Variants in SMC5 observed in about 807,000 individuals in gnomAD.
The protein encoded by SMC5 is structural maintenance of chromosomes 5.
A neutral mutation model predicts 148.3 loss-of-function variants in SMC5; 88 were observed. The observed-to-expected ratio is 0.59, with a 90% CI of 0.50 to 0.71. SMC5 has a LOEUF of 0.71. SMC5 is among the 30% of genes least tolerant of loss of function. The pLI, the probability that SMC5 is intolerant of heterozygous loss-of-function variation, is 0.00. For synonymous variants in SMC5, 421 were observed against 432.8 expected (o/e 0.97, Z 0.34); for missense variants, 1,142 against 1,298.9 (o/e 0.88, Z 1.86).
At chr9:70,261,442 G>A (rs936290314) in intron 1 of SMC5, among the ~76,000 whole-genome samples, 1 of 152,214 alleles carries the variant, frequency 6.6e-6, no homozygotes, top group African/African-American at 2.4e-5. Context: ...AGGGAGGAAT[G>A]CAGCATTTTT....
intron 10 of SMC5, among the ~76,000 whole-genome samples, chr9:70,302,542 G>C (rs1313739600): frequency 4.6e-5 from 7 of 151,796 alleles, no homozygotes; most frequent in Admixed American, 4.6e-4. Flanking sequence ...ATCGTGGCAT[G>C]TGCCTCTAGT....
At chr9:70,334,033 A>G (rs538924261) in intron 17 of SMC5, among the ~76,000 whole-genome samples, 1 of 152,206 alleles carries the variant, frequency 6.6e-6, no homozygotes, top group East Asian at 1.9e-4. Flanking sequence ...CATTACAACA[A>G]TCAAGACATT....
chr9:70,293,510 T>C (rs574567121), intron 8 of SMC5, among the ~76,000 whole-genome samples: 1 of 152,278 alleles, frequency 6.6e-6, no homozygotes, highest in East Asian at 1.9e-4. Flanking sequence ...TCATTTTTTA[T>C]AGGTTCTTGA....
At chr9:70,315,403 G>T (rs1253736394) in intron 12 of SMC5, 43 bp from the exon 13 acceptor site, 1 of 1,418,520 alleles carries the variant, frequency 7.0e-7, no homozygotes, top group South Asian at 1.5e-5. Flanking sequence ...TTTTTTTAAT[G>T]ATATTTTAAG....
chr9:70,295,749 C>T (rs2035184970), intron 8 of SMC5, among the ~76,000 whole-genome samples: 1 of 152,078 alleles, frequency 6.6e-6, no homozygotes. Flanking sequence ...AGACAAAGAC[C>T]TTCTCTTGGT....
intron 4 of SMC5, 91 bp downstream of exon 4, chr9:70,277,563 T>A: frequency 1.0e-6 from 1 of 980,410 alleles, no homozygotes; most frequent in Non-Finnish European, 1.4e-6. Flanking sequence ...GACTGCTATT[T>A]AAATTGAACA....
intron 22 of SMC5, among the ~76,000 whole-genome samples, chr9:70,348,626 G>A (rs188581266): frequency 1.4e-3 from 217 of 152,112 alleles, no homozygotes; most frequent in Middle Eastern, 3.4e-3. Context: ...GGAAGGTGGA[G>A]GTTCCAGTGA....
At chr9:70,280,056 A>T (rs1055757832) in intron 5 of SMC5, among the ~76,000 whole-genome samples, 42 of 152,188 alleles carry the variant, frequency 2.8e-4, no homozygotes, top group African/African-American at 9.9e-4. Context: ...AGGGAAAAAA[A>T]TGTTTTTATT....
At position 70,318,947 on chromosome 9, in the gene SMC5, A is replaced by C; in HGVS notation, c.2134A>C (p.Ser712Arg). 1 of 1,607,690 alleles carries C rather than the reference A, an allele frequency of 6.2e-7. No individual in the cohort carries two copies. The highest frequency in any genetic ancestry group is 8.5e-7 in the Non-Finnish European group (1 of 1,178,034). ...GAAAAGACAACTGGAACAAAAAATC[A>C]GTTCCAAACTAGGAAGGTATCTTTT... Reference protein sequence around the residue: ...TKKRQLEQKISSKLGSLKLME... With the variant: ...TKKRQLEQKIRSKLGSLKLME... Residue 712 changes from serine to arginine, a missense_variant, in exon 15 of 25, where the codon AGT becomes CGT. Coordinates refer to ENST00000361138, the MANE Select transcript of SMC5 (RefSeq NM_015110.4).
Position 70,318,870 on chromosome 9 carries a change from A to G in SMC5, c.2057A>G (p.Lys686Arg). 1.9e-6 allele frequency: 3 copies of G among 1,612,360 alleles called. No individual in the cohort carries two copies. The highest frequency in any genetic ancestry group is 2.2e-5 in the East Asian group (1 of 44,812). The change falls in exon 15 of 25, where the codon AAA becomes AGA. Residue 686 changes from lysine (K) to arginine (R), a missense_variant. By Grantham distance (26) the Lys-to-Arg change is conservative (BLOSUM62 2). Around this residue, in one of 5 missense-constraint regions of SMC5, gnomAD observed 743 missense variants for 835.7 expected, o/e 0.89. Transcript: ENST00000361138. ...GAAACAAGCAAACATCTGGAGCACA[A>G]AGACAATGAACTTAGACAAAAGAAG... ...LRETSKHLEH[K>R]DNELRQKKKE...
chr9:70,286,775 G>A (rs2034915638), intron 8 of SMC5: 1 of 145,108 alleles, frequency 6.9e-6, no homozygotes, highest in South Asian at 2.2e-4. Flanking sequence ...GGAGTACAGT[G>A]GTGTGATCTT....
Position 70,314,620 on chromosome 9 carries a change from A to G in SMC5, c.1579-122A>G, listed in dbSNP as rs552599314. ...AAAAAATTTATACTAAGTAACATCTAATATGCCGTGTTCGAGTTTCTTATC... is the reference window on the plus strand; with the variant it reads ...AAAAAATTTATACTAAGTAACATCTGATATGCCGTGTTCGAGTTTCTTATC... On this transcript the variant is annotated intron_variant, in intron 11 of 24. Coordinates refer to ENST00000361138, the MANE Select transcript of SMC5 (RefSeq NM_015110.4). 11 of 433,770 alleles carry G rather than the reference A, an allele frequency of 2.5e-5. No homozygotes were observed. The South Asian group carries it at 8.0e-4, about 32-fold the overall frequency. The allele number at this position is 433,770 out of a possible 1,614,324, so 26.9% of individuals were successfully genotyped here.
rs185409019 is a variant in SMC5, at chr9:70,323,614, A to C, written c.2274+8A>C. ...TTAACAAACCTAATAAAGGTAAGGTATTGTTTTAATTTTAGTCATTTTTTA... is the reference window on the plus strand; with the variant it reads ...TTAACAAACCTAATAAAGGTAAGGTCTTGTTTTAATTTTAGTCATTTTTTA... On this transcript the variant is annotated splice_region_variant and intron_variant, in intron 16 of 24. Transcript: ENST00000361138. The C allele has an allele frequency of 6.2e-7, 1 of 1,603,514 alleles. No homozygotes were observed. The highest frequency in any genetic ancestry group is 1.7e-5 in the Admixed American group (1 of 57,872).
intron 11 of SMC5, chr9:70,310,845 G>A (rs1311301459): frequency 6.6e-6 from 1 of 152,172 alleles, no homozygotes; most frequent in Admixed American, 6.5e-5. Context: ...GCACTTTTAT[G>A]TTATGGAAAT....
At chr9:70,304,548 A>C (rs1035921440) in intron 10 of SMC5, among the ~76,000 whole-genome samples, 6 of 152,242 alleles carry the variant, frequency 3.9e-5, no homozygotes, top group Admixed American at 3.9e-4. Flanking sequence ...TTAGCTGGGC[A>C]TGGTGACAGA....
At chr9:70,278,444 A>G (rs1480642597) in intron 4 of SMC5, 47 bp from the exon 5 acceptor site, 1 of 1,569,324 alleles carries the variant, frequency 6.4e-7, no homozygotes, top group Non-Finnish European at 8.6e-7. Flanking sequence ...TTTTGAAGAT[A>G]TATGTAAATG....
rs2035869097 is a variant in SMC5, at chr9:70,318,626, C to T, written c.1919C>T (p.Ala640Val). Residue 640 changes from alanine to valine, a missense_variant, in exon 14 of 25, where the codon GCG becomes GTG. By Grantham distance (64) the Ala-to-Val change is moderately conservative. This residue lies in a region of SMC5 where 743 missense variants were observed against 835.7 expected (regional missense o/e 0.89). Transcript: ENST00000361138. ...TCTAGTAACACATCTCTAAAAGTAG[C>T]GCAGTTTCTCACTGTCACTGTGGAC... ...VISSNTSLKV[A>V]QFLTVTVDLE... is the part of the protein sequence containing the mutation. The T allele has an allele frequency of 9.9e-6, 16 of 1,612,414 alleles. No homozygotes were observed. Among genetic ancestry groups the T allele is most frequent in the Admixed American group, 3.3e-5 (2 of 59,900 alleles).
chr9:70,298,273 T>G, intron 9 of SMC5, 52 bp downstream of exon 9: 1 of 1,534,662 alleles, frequency 6.5e-7, no homozygotes, highest in Non-Finnish European at 8.8e-7. Flanking sequence ...GATACATCTC[T>G]GTTGATGAAC....
intron 8 of SMC5, among the ~76,000 whole-genome samples, chr9:70,290,488 G>A (rs1180131): frequency 0.86 from 131,589 of 152,178 alleles, 57,157 homozygotes; most frequent in Non-Finnish European, 0.91. Flanking sequence ...TGTTTATACC[G>A]CAATAGTTCT....
Sources: gnomAD v4.1 joint callset for allele counts (sites outside exome capture counted in the v4.1 genomes callset) on GRCh38, gnomAD v4.1.1 for gene constraint, gnomAD v4.1.1 regional missense constraint, MANE v1.5 for transcripts, NCBI Gene and HGNC (gene_info 2026-07-23, HGNC 2026-07-21) for gene names.